The following GTPBP10 variants were observed in gnomAD, a reference collection of about 807,000 sequenced individuals.
GTPBP10 encodes the protein GTP-binding protein 10.
GTPBP10 carries 38 observed loss-of-function variants against 44.8 expected under a neutral mutation model. That is an observed-to-expected ratio of 0.85 (90% confidence interval 0.65 to 1.11). The LOEUF is 1.11. GTPBP10 is among the 50% of genes most tolerant of loss of function. The pLI is 0.00. For missense variants in GTPBP10, 462 were observed against 453.7 expected (o/e 1.02, Z -0.17); for synonymous variants, 152 against 150.6 (o/e 1.01, Z -0.07).
chr7:90,376,282 A>T (rs958190462), intron 6 of GTPBP10, among the ~76,000 whole-genome samples: 2 of 152,076 alleles, frequency 1.3e-5, no homozygotes, highest in African/African-American at 2.4e-5. Flanking sequence ...AATAATGATT[A>T]TTCCCTCTAA....
At chr7:90,359,859 C>T (rs901200263) in intron 4 of GTPBP10, among the ~76,000 whole-genome samples, 4 of 152,110 alleles carry the variant, frequency 2.6e-5, no homozygotes, top group Admixed American at 2.0e-4. Context: ...ATGGTATCTC[C>T]TTGTGGTTTT....
At chr7:90,359,981 G>A (rs1372881128) in intron 4 of GTPBP10, among the ~76,000 whole-genome samples, 1 of 152,052 alleles carries the variant, frequency 6.6e-6, no homozygotes, top group Non-Finnish European at 1.5e-5. Context: ...CTTTTTGATG[G>A]GGTTGTTTGT....
chr7:90,381,119 A>G (rs536852042), intron 8 of GTPBP10, among the ~76,000 whole-genome samples: 9 of 152,310 alleles, frequency 5.9e-5, no homozygotes, highest in African/African-American at 1.9e-4. Context: ...TCTTTGACAT[A>G]CTGATTTTAT....
chr7:90,352,656 C>A (rs531886220), intron 1 of GTPBP10, among the ~76,000 whole-genome samples, 160 bp from the exon 2 acceptor site: 2 of 152,030 alleles, frequency 1.3e-5, no homozygotes, highest in Non-Finnish European at 2.9e-5. Flanking sequence ...GGGGTCAGAT[C>A]GGAGATGTGG....
rs1796542148 is a variant in GTPBP10 at position 90,387,361 on chromosome 7, A to T, written c.*2207A>T. The T allele has an allele frequency of 6.6e-6, 1 of 151,320 alleles. No homozygotes were observed. The highest frequency in any genetic ancestry group is 2.4e-5 in the African/African-American group (1 of 41,008). 9.4% of individuals were successfully genotyped at this position (151,320 alleles called of 1,614,324 possible). A position where few individuals can be genotyped will look rare whatever the true frequency, so the allele number is the denominator to read the frequency against. ...CAAAAAACAAAATATTGTACTTCAAAAAATTATTCTTCAATGCTATTTTTA... is the reference window on the plus strand; with the variant it reads ...CAAAAAACAAAATATTGTACTTCAATAAATTATTCTTCAATGCTATTTTTA... On this transcript the variant is annotated 3_prime_UTR_variant, in exon 10 of 10. Transcript: ENST00000222511.
intron 6 of GTPBP10, 66 bp from the exon 7 acceptor site, chr7:90,377,441 G>T: frequency 1.0e-6 from 1 of 996,512 alleles, no homozygotes; most frequent in South Asian, 1.6e-5. Flanking sequence ...AAAAATTTTG[G>T]GATGTAATTG....
At position 90,386,052 on chromosome 7, in the gene GTPBP10, C is replaced by G. The variant is rs1796519555; in HGVS notation, c.*898C>G. The G allele has an allele frequency of 6.6e-6, 1 of 151,284 alleles. No individual in the cohort carries two copies. The highest frequency in any genetic ancestry group is 2.4e-5 in the African/African-American group (1 of 41,034). The allele number at this position is 151,284 out of a possible 1,614,324, so 9.4% of individuals were successfully genotyped here. A position where few individuals can be genotyped will look rare whatever the true frequency, so the allele number is the denominator to read the frequency against. On this transcript the variant is annotated 3_prime_UTR_variant, in exon 10 of 10. Transcript: ENST00000222511. ...CTTCAGCCTGGGTGACAGAGCTAGACTCCATCTCAAAAAAAAAAAAGAGCT... is the reference window on the plus strand; with the variant it reads ...CTTCAGCCTGGGTGACAGAGCTAGAGTCCATCTCAAAAAAAAAAAAGAGCT...
At chr7:90,361,461 C>G (rs1455731816) in intron 4 of GTPBP10, among the ~76,000 whole-genome samples, 32 of 152,176 alleles carry the variant, frequency 2.1e-4, no homozygotes, top group Admixed American at 1.9e-3. Context: ...GTTGAACCAG[C>G]CTTGCATCCC....
At chr7:90,372,060 TA>T (rs1342614399) in intron 4 of GTPBP10, 94 bp from the exon 5 acceptor site, 1 of 702,020 alleles carries the variant, frequency 1.4e-6, no homozygotes, top group Non-Finnish European at 2.4e-6. Context: ...ATTCTACTTT[TA>T]ATCCCAAATA....
chr7:90,381,123 A>G (rs1796428958), intron 8 of GTPBP10, among the ~76,000 whole-genome samples: 1 of 152,118 alleles, frequency 6.6e-6, no homozygotes, highest in South Asian at 2.1e-4. Context: ...TGACATACTG[A>G]TTTTATTTCC....
At chr7:90,352,200 G>A (rs1201827518) in intron 1 of GTPBP10, among the ~76,000 whole-genome samples, 1 of 152,224 alleles carries the variant, frequency 6.6e-6, no homozygotes, top group African/African-American at 2.4e-5. Flanking sequence ...AAAGAAGCAG[G>A]TGTAGTCTGA....
intron 5 of GTPBP10, among the ~76,000 whole-genome samples, chr7:90,373,596 A>G (rs905562121): frequency 6.6e-6 from 1 of 152,224 alleles, no homozygotes; most frequent in African/African-American, 2.4e-5. Flanking sequence ...GCAAAAAGTC[A>G]TAGGAAAGAG....
chr7:90,351,835 A>G (rs1422672428), intron 1 of GTPBP10, among the ~76,000 whole-genome samples: 1 of 152,110 alleles, frequency 6.6e-6, no homozygotes, highest in Admixed American at 6.5e-5. Context: ...AGCTGGGACT[A>G]CAGGCGCCCG....
At chr7:90,373,375 A>G (rs972453167) in intron 5 of GTPBP10, among the ~76,000 whole-genome samples, 1 of 152,228 alleles carries the variant, frequency 6.6e-6, no homozygotes, top group Non-Finnish European at 1.5e-5. Context: ...TGTGGTAGCT[A>G]GATGAGATAT....
chr7:90,372,316 C>T (rs1486791529), intron 5 of GTPBP10, 88 bp downstream of exon 5: 17 of 949,224 alleles, frequency 1.8e-5, no homozygotes, highest in East Asian at 5.3e-5. Flanking sequence ...AATGATAACT[C>T]GGAGGGTATC....
At chr7:90,373,122 A>G (rs1278946943) in intron 5 of GTPBP10, among the ~76,000 whole-genome samples, 1 of 152,182 alleles carries the variant, frequency 6.6e-6, no homozygotes, top group African/African-American at 2.4e-5. Flanking sequence ...GGCAGGGAGT[A>G]GATTTGTGTG....
In GTPBP10 at chr7:90,352,807, T is replaced by A. The variant is rs1795816319; in HGVS notation, c.34-9T>A. 2 of 1,581,546 alleles carry A rather than the reference T, an allele frequency of 1.3e-6. No homozygotes were observed. Among genetic ancestry groups the A allele is most frequent in the East Asian group, 4.5e-5 (2 of 44,704 alleles). On this transcript the variant is annotated splice_polypyrimidine_tract_variant and intron_variant, in intron 1 of 9. Transcript: ENST00000222511. ...GGTATACAAATATTCTTTCTCTTTT[T>A]TTTTTAAGTATGGAAATTTCATCGA...
In GTPBP10 at chr7:90,377,995, CTTAT is replaced by C. The variant is rs557151600; in HGVS notation, c.700-136_700-133del. 1.8e-3 allele frequency: 1,998 copies of C among 1,132,826 alleles called. 23 individuals are homozygous for C. The African/African-American group carries it at 0.028, about 16-fold the overall frequency. The allele number at this position is 1,132,826 out of a possible 1,614,324, so 70.2% of individuals were successfully genotyped here. On this transcript the variant is annotated intron_variant, in intron 7 of 9. Coordinates refer to ENST00000222511, the MANE Select transcript of GTPBP10 (RefSeq NM_033107.4). ...TATCTTAACACCTCGATTTCTGTTA[CTTAT>C]TTTGAATTACTAAGTAACAAGTAGA...
At chr7:90,370,017 A>G (rs145371450) in intron 4 of GTPBP10, among the ~76,000 whole-genome samples, 1 of 152,184 alleles carries the variant, frequency 6.6e-6, no homozygotes, top group Non-Finnish European at 1.5e-5. Flanking sequence ...GGGAGGAAGG[A>G]TAGGAGGGCA....
Sources: allele counts gnomAD v4.1 joint callset (sites outside exome capture counted in the v4.1 genomes callset), GRCh38; gene constraint gnomAD v4.1.1; transcripts MANE v1.5; gene names NCBI Gene and HGNC (gene_info 2026-07-23, HGNC 2026-07-21).